The following PLEKHA7 variants were observed in gnomAD, a reference collection of about 807,000 sequenced individuals.
The protein encoded by PLEKHA7 is pleckstrin homology domain-containing family A member 7.
In PLEKHA7, 104 loss-of-function variants were observed where a neutral mutation model predicts 170.0. The observed-to-expected ratio is 0.61, with a 90% confidence interval of 0.52 to 0.72. The LOEUF (loss-of-function observed/expected upper bound fraction) is 0.72, where lower values mean the gene tolerates loss of function less well. Among genes scored for constraint, PLEKHA7 ranks in the 30% least tolerant of loss-of-function variants. The pLI is 0.00. For missense variants in PLEKHA7, 1,615 were observed against 1,671.7 expected, an observed-to-expected ratio of 0.97 and a Z score of 0.59; for synonymous variants, 648 against 660.8, an observed-to-expected ratio of 0.98 and a Z score of 0.30.
At chr11:16,801,192 G>C (rs186191943) in intron 16 of PLEKHA7, 117 bp from the exon 17 acceptor site, 2 of 847,256 alleles carry the variant, frequency 2.4e-6, no homozygotes, top group Non-Finnish European at 2.0e-6. Context: ...GAAGGAGACC[G>C]GGCAGGCCTG....
At chr11:16,994,564 C>A (rs772916126) in intron 3 of PLEKHA7, among the ~76,000 whole-genome samples, 2 of 152,152 alleles carry the variant, frequency 1.3e-5, no homozygotes, top group Non-Finnish European at 2.9e-5. Context: ...CACCTTCCTC[C>A]CGTACAGCCT....
intron 21 of PLEKHA7, 21 bp downstream of exon 21, chr11:16,790,777 C>T: frequency 6.2e-7 from 1 of 1,601,562 alleles, no homozygotes; most frequent in Non-Finnish European, 8.5e-7. Context: ...CAGAGAAACT[C>T]CAGGGAGGGC....
chr11:16,793,973 G>C (rs1297627978), intron 19 of PLEKHA7, among the ~76,000 whole-genome samples: 4 of 152,168 alleles, frequency 2.6e-5, no homozygotes, highest in Non-Finnish European at 4.4e-5. Context: ...CTGTGGAATG[G>C]GGATACTGCT....
intron 3 of PLEKHA7, among the ~76,000 whole-genome samples, chr11:16,943,629 G>A (rs757983176): frequency 2.2e-4 from 34 of 152,194 alleles, no homozygotes; most frequent in Non-Finnish European, 3.8e-4. Context: ...CAAGAAAATG[G>A]GAATGGGAAG....
At chr11:16,888,083 G>A (rs1236667339) in intron 3 of PLEKHA7, among the ~76,000 whole-genome samples, 3 of 147,074 alleles carry the variant, frequency 2.0e-5, no homozygotes, top group African/African-American at 7.7e-5. Flanking sequence ...CTGCCCGGCC[G>A]CCCCATCTGA....
At position 17,014,167 on chromosome 11, in the gene PLEKHA7, GCGGATGCAGC is replaced by G; in HGVS notation, c.111_120del (p.Trp37CysfsTer12). ...CCCGAGTTGACGGGCTCCCCGGTGC[GCGGATGCAGC>G]CAGGTCGTGCAGCGGAGCTGGTCAC... On this transcript the variant is annotated frameshift_variant, in exon 2 of 27. Transcript: ENST00000531066. LOFTEE classifies it high-confidence loss of function. 1 of 1,601,840 alleles carries G rather than the reference GCGGATGCAGC, an allele frequency of 6.2e-7. No homozygotes were observed. The highest frequency in any genetic ancestry group is 8.5e-7 in the Non-Finnish European group (1 of 1,175,596).
At chr11:16,872,043 A>G (rs1445726732) in intron 3 of PLEKHA7, among the ~76,000 whole-genome samples, 1 of 148,318 alleles carries the variant, frequency 6.7e-6, no homozygotes, top group Non-Finnish European at 1.5e-5. Context: ...ATCTCGGCTC[A>G]CAGCAACTTC....
At chr11:16,829,294 C>T (rs754018056) in intron 9 of PLEKHA7, among the ~76,000 whole-genome samples, 6 of 152,076 alleles carry the variant, frequency 3.9e-5, no homozygotes, top group Non-Finnish European at 2.9e-5. Flanking sequence ...TGATTACAAG[C>T]GTGAGCCACC....
intron 3 of PLEKHA7, among the ~76,000 whole-genome samples, chr11:16,872,214 C>T (rs1475405815): frequency 2.6e-5 from 4 of 152,148 alleles, no homozygotes; most frequent in African/African-American, 7.2e-5. Flanking sequence ...AGTGACCCAC[C>T]CACCTCAGCC....
chr11:16,823,969 C>T (rs1034459088), intron 10 of PLEKHA7, among the ~76,000 whole-genome samples: 1 of 152,144 alleles, frequency 6.6e-6, no homozygotes, highest in African/African-American at 2.4e-5. Flanking sequence ...ATAGATGGAA[C>T]TGGAGGACAT....
intron 3 of PLEKHA7, among the ~76,000 whole-genome samples, chr11:17,002,575 C>G (rs1864731719): frequency 2.0e-5 from 3 of 152,194 alleles, no homozygotes; most frequent in Non-Finnish European, 1.5e-5. Flanking sequence ...TCCCTGCCCC[C>G]ATCAGCCTCA....
intron 6 of PLEKHA7, 72 bp from the exon 7 acceptor site, chr11:16,852,427 T>C: frequency 1.5e-6 from 2 of 1,324,784 alleles, no homozygotes; most frequent in Non-Finnish European, 1.1e-6. Flanking sequence ...ATGCACAACC[T>C]GATTCCAGAA....
chr11:16,881,899 A>G (rs1855742688), intron 3 of PLEKHA7, among the ~76,000 whole-genome samples: 1 of 152,196 alleles, frequency 6.6e-6, no homozygotes, highest in Non-Finnish European at 1.5e-5. Context: ...GGGATGGCTA[A>G]GGTTCTCTCA....
chr11:16,801,012 T>A lies in PLEKHA7; in HGVS notation c.2371A>T (p.Thr791Ser), dbSNP rs200339067. 4.6e-5 allele frequency: 75 copies of A among 1,614,130 alleles called. No individual in the cohort carries two copies. Among genetic ancestry groups the A allele is most frequent in the Non-Finnish European group, 6.0e-5 (71 of 1,180,058 alleles). ...GCTCTTCTGTGTTGCTCCTGCAGGG[T>A]CTGCTTCAGCTGTTCCACATCATTC... Reference protein sequence around the residue: ...LENDVEQLKQTLQEQHRRAFF... With the variant: ...LENDVEQLKQSLQEQHRRAFF... Residue 791 changes from threonine to serine, a missense_variant, in exon 17 of 27, where the codon ACC becomes TCC. Coordinates refer to ENST00000531066, the MANE Select transcript of PLEKHA7 (RefSeq NM_001329630.2).
chr11:16,832,687 T>C (rs1851212192), intron 9 of PLEKHA7, among the ~76,000 whole-genome samples: 1 of 152,118 alleles, frequency 6.6e-6, no homozygotes, highest in Non-Finnish European at 1.5e-5. Flanking sequence ...TGAACCTTAG[T>C]CCTGATGTCC....
At chr11:16,787,528 C>A (rs559869890) in intron 23 of PLEKHA7, 1 of 152,144 alleles carries the variant, frequency 6.6e-6, no homozygotes, top group African/African-American at 2.4e-5. Context: ...AGAAAACACT[C>A]ATTTCCTTAC....
intron 19 of PLEKHA7, among the ~76,000 whole-genome samples, chr11:16,794,255 C>T (rs1848057233): frequency 6.6e-6 from 1 of 152,022 alleles, no homozygotes; most frequent in Non-Finnish European, 1.5e-5. Flanking sequence ...GTTTTCCCAA[C>T]TGCAAAATGG....
intron 3 of PLEKHA7, among the ~76,000 whole-genome samples, chr11:16,967,446 G>C (rs1015073769): frequency 2.6e-5 from 4 of 152,154 alleles, no homozygotes; most frequent in African/African-American, 9.7e-5. Flanking sequence ...TTTGGCTGGG[G>C]AGCTCTAGGC....
chr11:16,833,798 T>A (rs1052840375), intron 9 of PLEKHA7, among the ~76,000 whole-genome samples: 1 of 152,180 alleles, frequency 6.6e-6, no homozygotes, highest in Non-Finnish European at 1.5e-5. Context: ...ACTGAGCACT[T>A]ACTAAATGCA....
Sources: gnomAD v4.1 joint callset for allele counts (sites outside exome capture counted in the v4.1 genomes callset) on GRCh38, gnomAD v4.1.1 for gene constraint, MANE v1.5 for transcripts, NCBI Gene and HGNC (gene_info 2026-07-23, HGNC 2026-07-21) for gene names.